SBF2: variants seen among roughly 807,000 people sequenced by gnomAD.
The protein encoded by SBF2 is myotubularin-related protein 13.
Under a neutral mutation model 225.2 loss-of-function variants are expected in SBF2, and 112 were observed. The ratio of observed to expected loss-of-function variants is 0.50; its 90% CI spans 0.43 to 0.58. The LOEUF is 0.58. Among genes scored for constraint, SBF2 ranks in the 20% least tolerant of loss-of-function variants. The probability of loss-of-function intolerance (pLI) is 0.00; values close to 1 mark genes in which losing one functional copy is unlikely to be tolerated. For missense variants in SBF2, 1,996 were observed against 2,206.2 expected (o/e 0.90, Z 1.91); for synonymous variants, 763 against 773.3 (o/e 0.99, Z 0.22).
intron 2 of SBF2, 101 bp downstream of exon 2, chr11:10,193,801 T>C (rs987019395): frequency 3.5e-5 from 29 of 834,800 alleles, no homozygotes; most frequent in Non-Finnish European, 5.7e-5. Flanking sequence ...ACAATTAAAT[T>C]ATCAAATTAT....
At chr11:9,940,235 G>C (rs912854861) in intron 16 of SBF2, among the ~76,000 whole-genome samples, 2 of 151,952 alleles carry the variant, frequency 1.3e-5, no homozygotes, top group African/African-American at 4.8e-5. Flanking sequence ...AACCCCGTCT[G>C]TACTAAAAAT....
chr11:9,782,637 G>A (rs1852089464), intron 38 of SBF2, among the ~76,000 whole-genome samples: 1 of 152,146 alleles, frequency 6.6e-6, no homozygotes, highest in Non-Finnish European at 1.5e-5. Context: ...TTGGGAGGCT[G>A]AGGCGGGTGG....
At chr11:10,287,405 C>T (rs1341741986) in intron 1 of SBF2, among the ~76,000 whole-genome samples, 6 of 152,012 alleles carry the variant, frequency 3.9e-5, no homozygotes, top group African/African-American at 1.2e-4. Flanking sequence ...TCTTAGCATC[C>T]GAAGTAGCTG....
At chr11:9,964,107 G>A (rs933074872) in intron 14 of SBF2, among the ~76,000 whole-genome samples, 12 of 152,038 alleles carry the variant, frequency 7.9e-5, no homozygotes, top group Non-Finnish European at 1.6e-4. Context: ...AAAATTAGCC[G>A]GGCATGGTGT....
chr11:10,125,218 G>A (rs755497615), intron 2 of SBF2, among the ~76,000 whole-genome samples: 2 of 150,768 alleles, frequency 1.3e-5, no homozygotes, highest in South Asian at 2.1e-4. Flanking sequence ...TCATTATAAT[G>A]AAACATACTG....
chr11:9,840,844 AG>A (rs1856082185), intron 25 of SBF2, among the ~76,000 whole-genome samples: 1 of 151,986 alleles, frequency 6.6e-6, no homozygotes, highest in Non-Finnish European at 1.5e-5. Flanking sequence ...TTACAATCAC[AG>A]GTTACAGAAT....
upstream of SBF2, among the ~76,000 whole-genome samples, chr11:10,295,782 C>A (rs1210963922): frequency 2.0e-5 from 3 of 151,994 alleles, no homozygotes; most frequent in African/African-American, 7.3e-5. Context: ...CTGTAACTTC[C>A]CCTGATTCTG....
intron 1 of SBF2, among the ~76,000 whole-genome samples, chr11:10,209,350 CA>C (rs2135377725): frequency 6.6e-6 from 1 of 151,556 alleles, no homozygotes; most frequent in East Asian, 1.9e-4. Flanking sequence ...ATCTGCAACT[CA>C]AAGTTCACCC....
intron 16 of SBF2, among the ~76,000 whole-genome samples, chr11:9,946,813 AG>A (rs1206007180): frequency 1.3e-5 from 2 of 152,242 alleles, no homozygotes; most frequent in African/African-American, 4.8e-5. Context: ...TGATATAACT[AG>A]GTAAGATACT....
At chr11:10,292,645 C>G (rs565589473) in intron 1 of SBF2, among the ~76,000 whole-genome samples, 195 of 137,772 alleles carry the variant, frequency 1.4e-3, no homozygotes, top group African/African-American at 5.2e-3. Context: ...CACCACTGCA[C>G]TCCAGCGTGG....
At chr11:10,286,351 GT>G (rs34975719) in intron 1 of SBF2, among the ~76,000 whole-genome samples, 119 of 142,608 alleles carry the variant, frequency 8.3e-4, no homozygotes, top group Non-Finnish European at 1.3e-3. Flanking sequence ...TTGTTCTTTG[GT>G]TTTTTTTTTT....
intron 16 of SBF2, among the ~76,000 whole-genome samples, chr11:9,908,255 AC>A (rs1471793506): frequency 6.6e-6 from 1 of 152,234 alleles, no homozygotes; most frequent in East Asian, 1.9e-4. Context: ...GAATTTAAAA[AC>A]ATTACAAAAT....
intron 2 of SBF2, among the ~76,000 whole-genome samples, chr11:10,044,339 A>G (rs531593981): frequency 6.6e-6 from 1 of 152,348 alleles, no homozygotes; most frequent in South Asian, 2.1e-4. Flanking sequence ...GCAAGAGGAG[A>G]AGAAAAGGCA....
intron 33 of SBF2, among the ~76,000 whole-genome samples, chr11:9,792,218 G>T (rs531651202): frequency 6.6e-6 from 1 of 152,074 alleles, no homozygotes; most frequent in South Asian, 2.1e-4. Flanking sequence ...GATCACTTGA[G>T]GTCAGGAGTT....
At chr11:9,795,688 C>T in intron 33 of SBF2, 143 bp downstream of exon 33, 6 of 998,154 alleles carry the variant, frequency 6.0e-6, no homozygotes, top group Non-Finnish European at 7.5e-6. Context: ...AATTTGGCCA[C>T]TTATCCACTC....
intron 2 of SBF2, among the ~76,000 whole-genome samples, chr11:10,055,507 GTAAA>G (rs1192342376): frequency 7.2e-6 from 1 of 138,014 alleles, no homozygotes; most frequent in Admixed American, 7.8e-5. Flanking sequence ...CAACAGATGA[GTAAA>G]TAAAGAAAAT....
intron 1 of SBF2, among the ~76,000 whole-genome samples, chr11:10,237,147 G>A (rs1310016620): frequency 6.6e-6 from 1 of 151,964 alleles, no homozygotes; most frequent in Non-Finnish European, 1.5e-5. Context: ...AGGAGTTTGA[G>A]ACCAGCCTGG....
intron 16 of SBF2, among the ~76,000 whole-genome samples, chr11:9,918,434 C>G (rs1863298213): frequency 6.6e-6 from 1 of 151,510 alleles, no homozygotes; most frequent in Non-Finnish European, 1.5e-5. Flanking sequence ...CTCACTGCAG[C>G]CTTGAACCTC....
At chr11:10,125,846 G>C (rs745578562) in intron 2 of SBF2, among the ~76,000 whole-genome samples, 1 of 151,960 alleles carries the variant, frequency 6.6e-6, no homozygotes, top group Non-Finnish European at 1.5e-5. Flanking sequence ...CATAAACTTG[G>C]CAATTTTAAA....
Sources: allele counts gnomAD v4.1 joint callset (sites outside exome capture counted in the v4.1 genomes callset), GRCh38; gene constraint gnomAD v4.1.1; transcripts MANE v1.5; gene names NCBI Gene and HGNC (gene_info 2026-07-23, HGNC 2026-07-21).